The following SCAPER variants were observed in gnomAD, a reference collection of about 807,000 sequenced individuals.
The protein encoded by SCAPER is S phase cyclin A-associated protein in the endoplasmic reticulum.
A neutral mutation model predicts 182.2 loss-of-function variants in SCAPER; 98 were observed. The ratio of observed to expected loss-of-function variants is 0.54; its 90% CI spans 0.46 to 0.64. The LOEUF (loss-of-function observed/expected upper bound fraction) is 0.64. Ranked by LOEUF, SCAPER falls within the 30% of genes least tolerant of loss-of-function variation. SCAPER has a pLI of 0.00. For synonymous variants in SCAPER, 605 were observed against 564.6 expected, an observed-to-expected ratio of 1.07 and a Z score of -1.01; for missense variants, 1,432 against 1,690.0, an observed-to-expected ratio of 0.85 and a Z score of 2.68.
chr15:76,407,546 G>GT (rs1223933187), intron 26 of SCAPER, among the ~76,000 whole-genome samples: 1 of 152,006 alleles, frequency 6.6e-6, no homozygotes, highest in South Asian at 2.1e-4. Flanking sequence ...GTGAAAACTT[G>GT]TTTTTTTCTG....
At chr15:76,697,581 G>T (rs1022883955) in intron 20 of SCAPER, among the ~76,000 whole-genome samples, 6 of 152,040 alleles carry the variant, frequency 3.9e-5, no homozygotes, top group Non-Finnish European at 5.9e-5. Context: ...CAGAAAAATT[G>T]TTAAGTTTTT....
At chr15:76,540,378 G>C (rs1475218898) in intron 23 of SCAPER, among the ~76,000 whole-genome samples, 1 of 152,036 alleles carries the variant, frequency 6.6e-6, no homozygotes, top group Non-Finnish European at 1.5e-5. Context: ...TCCAGCCTGG[G>C]CAACAAACCA....
chr15:76,627,489 T>C (rs1050298816), intron 21 of SCAPER, among the ~76,000 whole-genome samples: 2 of 152,122 alleles, frequency 1.3e-5, no homozygotes, highest in Admixed American at 6.6e-5. Context: ...TTCCCCTCCC[T>C]GTGTCCATGT....
At chr15:76,740,265 C>T (rs1050259641) in intron 15 of SCAPER, among the ~76,000 whole-genome samples, 10 of 152,100 alleles carry the variant, frequency 6.6e-5, no homozygotes, top group Admixed American at 6.5e-4. Context: ...ATACAGAGAA[C>T]ATGACAAAAT....
chr15:76,529,054 T>C (rs1312703617), intron 23 of SCAPER, among the ~76,000 whole-genome samples: 1 of 152,256 alleles, frequency 6.6e-6, no homozygotes, highest in African/African-American at 2.4e-5. Context: ...ACTTTGTTGT[T>C]GTTGTTTGAG....
Position 76,774,956 on chromosome 15 carries a change from G to A in SCAPER, c.934C>T (p.Gln312Ter). 3 of 1,613,730 alleles carry A rather than the reference G, an allele frequency of 1.9e-6. No individual in the cohort carries two copies. The highest frequency in any genetic ancestry group is 2.5e-6 in the Non-Finnish European group (3 of 1,179,752). ...NVCLLPDESI[Q>*]KGQFVGDGTS... Reference sequence around the variant, plus strand: ...CCATCTCCAACAAATTGACCTTTCTGTATGCTTTCATCAGGTAAAAGACAT... The same window carrying A: ...CCATCTCCAACAAATTGACCTTTCTATATGCTTTCATCAGGTAAAAGACAT... The change falls in exon 9 of 32, where the codon CAG becomes TAG. Residue 312 changes from glutamine to a stop codon, truncating the protein, a stop_gained. Transcript: ENST00000563290. LOFTEE classifies it high-confidence loss of function.
At chr15:76,469,409 T>C (rs1467931189) in intron 25 of SCAPER, among the ~76,000 whole-genome samples, 1 of 152,164 alleles carries the variant, frequency 6.6e-6, no homozygotes, top group East Asian at 1.9e-4. Flanking sequence ...AAAAACATAG[T>C]ATAATAATTG....
chr15:76,567,158 T>G, intron 23 of SCAPER: 1 of 280,776 alleles, frequency 3.6e-6, no homozygotes, highest in East Asian at 1.0e-4. Context: ...GTATATATAT[T>G]TTTTGGTGAC....
intron 26 of SCAPER, among the ~76,000 whole-genome samples, chr15:76,428,731 G>A (rs963334108): frequency 2.6e-5 from 4 of 151,626 alleles, no homozygotes; most frequent in Non-Finnish European, 5.9e-5. Flanking sequence ...CTATTGCATA[G>A]TAGAGTGACT....
intron 3 of SCAPER, 87 bp from the exon 4 acceptor site, chr15:76,857,966 C>A: frequency 2.2e-6 from 2 of 916,098 alleles, no homozygotes; most frequent in Non-Finnish European, 3.3e-6. Flanking sequence ...ATAATGTAAA[C>A]CTAAACTACG....
intron 29 of SCAPER, among the ~76,000 whole-genome samples, chr15:76,374,765 G>A (rs1480167536): frequency 6.6e-6 from 1 of 151,764 alleles, no homozygotes; most frequent in African/African-American, 2.4e-5. Flanking sequence ...GGGATTATAG[G>A]CGTGAACCAC....
At chr15:76,805,555 C>CT (rs59845788) in intron 5 of SCAPER, among the ~76,000 whole-genome samples, 19 of 85,870 alleles carry the variant, frequency 2.2e-4, no homozygotes, top group African/African-American at 7.2e-4. Context: ...ATTTGTTTAC[C>CT]TTTTTTTTTT....
At chr15:76,727,605 TATAAAAG>T (rs1401663237) in intron 17 of SCAPER, among the ~76,000 whole-genome samples, 1 of 152,170 alleles carries the variant, frequency 6.6e-6, no homozygotes, top group Non-Finnish European at 1.5e-5. Flanking sequence ...AGATAAAGAC[TATAAAAG>T]ATAAAACTAT....
intron 23 of SCAPER, among the ~76,000 whole-genome samples, chr15:76,561,305 C>T (rs2046600028): frequency 6.6e-6 from 1 of 152,146 alleles, no homozygotes; most frequent in African/African-American, 2.4e-5. Context: ...AATGGTCCTA[C>T]TTCTGGTTCT....
At chr15:76,445,668 A>G (rs556588079) in intron 25 of SCAPER, among the ~76,000 whole-genome samples, 1 of 152,244 alleles carries the variant, frequency 6.6e-6, no homozygotes, top group Admixed American at 6.5e-5. Flanking sequence ...GGGATGGGAT[A>G]GGGCTTGTTA....
intron 15 of SCAPER, among the ~76,000 whole-genome samples, chr15:76,738,413 G>T (rs530166879): frequency 3.3e-5 from 5 of 152,166 alleles, no homozygotes; most frequent in African/African-American, 9.6e-5. Context: ...TAAAGTGAAA[G>T]ATGTAAAACT....
chr15:76,695,399 C>G (rs1218791344), intron 20 of SCAPER, among the ~76,000 whole-genome samples: 1 of 151,910 alleles, frequency 6.6e-6, no homozygotes. Flanking sequence ...AGTTCGAGAC[C>G]AGCCTGGCTG....
chr15:76,428,551 C>T (rs1215879507), intron 26 of SCAPER, among the ~76,000 whole-genome samples: 3 of 152,100 alleles, frequency 2.0e-5, no homozygotes, highest in Admixed American at 6.5e-5. Context: ...TGCATGATCT[C>T]ACTCAAGTGT....
chr15:76,744,633 G>C (rs2061701883), intron 15 of SCAPER, among the ~76,000 whole-genome samples: 1 of 151,976 alleles, frequency 6.6e-6, no homozygotes, highest in Admixed American at 6.6e-5. Flanking sequence ...TAAAAAACAA[G>C]AGATGCTGGC....
Sources: gnomAD v4.1 joint callset for allele counts (sites outside exome capture counted in the v4.1 genomes callset) on GRCh38, gnomAD v4.1.1 for gene constraint, MANE v1.5 for transcripts, NCBI Gene and HGNC (gene_info 2026-07-23, HGNC 2026-07-21) for gene names.